STX1B: variants seen among roughly 807,000 people sequenced by gnomAD.
STX1B encodes the protein syntaxin 1B.
In STX1B, 7 loss-of-function variants were observed where a neutral mutation model predicts 39.4. That is an observed-to-expected ratio of 0.18 (90% CI 0.10 to 0.33). STX1B has a LOEUF of 0.33. Ranked by LOEUF, STX1B falls within the 10% of genes least tolerant of loss-of-function variation. The probability of loss-of-function intolerance (pLI) is 1.00; values close to 1 mark genes in which losing one functional copy is unlikely to be tolerated. For missense variants in STX1B, 198 were observed against 383.2 expected, an observed-to-expected ratio of 0.52 and a Z score of 4.04; for synonymous variants, 136 against 144.1, an observed-to-expected ratio of 0.94 and a Z score of 0.40.
rs976415550 is a variant in STX1B, at chr16:31,008,661, G to C, written c.30+1706C>G. 2.0e-5 allele frequency among the ~76,000 whole-genome samples: 3 copies of C among 152,238 alleles called. No homozygotes were observed. The East Asian group carries it at 5.8e-4, about 29-fold the overall frequency. ...AAGAGCCTCCCCGTCCACTTGCCAG[G>C]AGGTCAGTGGGGCTCTAATGACATC... On this transcript the variant is annotated intron_variant, in intron 1 of 9. Coordinates refer to ENST00000215095, the MANE Select transcript of STX1B (RefSeq NM_052874.5).
chr16:30,993,528 T>A, intron 7 of STX1B, 44 bp from the exon 8 acceptor site: 1 of 1,607,874 alleles, frequency 6.2e-7, no homozygotes, highest in South Asian at 1.1e-5. Context: ...TTCTCCGCCA[T>A]GAGCGCCTCC....
At position 30,997,065 on chromosome 16, in the gene STX1B, G is replaced by A; in HGVS notation, c.355-6C>T. 6.3e-7 allele frequency: 1 copy of A among 1,595,802 alleles called. No homozygotes were observed. Among genetic ancestry groups the A allele is most frequent in the Non-Finnish European group, 8.6e-7 (1 of 1,164,256 alleles). The stretch of plus-strand genomic sequence containing the variant: ...TTCCGGGACAGTGTGGAGTGCTACG[G>A]TGGGGGTGGGGGGACAGACGGATCA... On this transcript the variant is annotated splice_region_variant and splice_polypyrimidine_tract_variant and intron_variant, in intron 5 of 9. Transcript: ENST00000215095.
intron 1 of STX1B, among the ~76,000 whole-genome samples, chr16:31,005,076 C>G (rs2056648776): frequency 6.6e-6 from 1 of 152,220 alleles, no homozygotes; most frequent in Non-Finnish European, 1.5e-5. Flanking sequence ...CCCTCCCAGC[C>G]TCCGTCTGTC....
intron 1 of STX1B, among the ~76,000 whole-genome samples, chr16:31,005,436 A>G (rs1055608058): frequency 2.0e-5 from 3 of 150,468 alleles, no homozygotes; most frequent in Non-Finnish European, 3.0e-5. Flanking sequence ...GGGTCCTATT[A>G]CAAGTGCTTT....
intron 7 of STX1B, among the ~76,000 whole-genome samples, chr16:30,994,450 TG>T (rs1221264234): frequency 1.4e-5 from 2 of 145,406 alleles, no homozygotes; most frequent in African/African-American, 2.5e-5. Flanking sequence ...GGAAATTAGC[TG>T]GGCATGGTGG....
Position 30,992,833 on chromosome 16 carries a change from C to T in STX1B, c.855G>A (p.Thr285=), listed in dbSNP as rs762220243. The T allele has an allele frequency of 5.0e-6, 8 of 1,611,494 alleles. No homozygotes were observed. The highest frequency in any genetic ancestry group is 2.2e-5 in the South Asian group (2 of 90,998). ...GVVLASSIGG[T]LGL is the part of the protein sequence containing the mutation. ...GGGTGGGGGGGGCCTACAAGCCCAG[C>T]GTCCCCCCAATGGATGACGCCAAGA... Residue 285 remains threonine, a synonymous_variant, in exon 10 of 10, where the codon ACG becomes ACA. Coordinates refer to ENST00000215095, the MANE Select transcript of STX1B (RefSeq NM_052874.5).
intron 1 of STX1B, among the ~76,000 whole-genome samples, chr16:31,002,173 C>T (rs2056633499): frequency 6.6e-6 from 1 of 152,094 alleles, no homozygotes; most frequent in South Asian, 2.1e-4. Flanking sequence ...CTGTGCCCCC[C>T]TCTTCCCGCC....
Position 30,993,605 on chromosome 16 carries a change from C to T in STX1B, c.538-121G>A, listed in dbSNP as rs7194921. 1 allele frequency: 1,145,294 copies of T among 1,148,010 alleles called. 571,338 individuals carry two copies. Among genetic ancestry groups the T allele is most frequent in the East Asian group, 1 (42,248 of 42,248 alleles). 71.1% of individuals were successfully genotyped at this position (1,148,010 alleles called of 1,614,324 possible). The stretch of plus-strand genomic sequence containing the variant: ...TAGCTGAAACCTTAGGCACATTATT[C>T]ACCTGCTCTTGGCCTCAGTTTCCCC... On this transcript the variant is annotated intron_variant, in intron 7 of 9. Coordinates refer to ENST00000215095, the MANE Select transcript of STX1B (RefSeq NM_052874.5).
At chr16:30,993,910 G>A (rs1402231487) in intron 7 of STX1B, among the ~76,000 whole-genome samples, 2 of 151,424 alleles carry the variant, frequency 1.3e-5, no homozygotes, top group African/African-American at 4.9e-5. Flanking sequence ...GCTTGAACCC[G>A]GGGGGGCAGA....
chr16:30,994,213 A>G (rs1596715163), intron 7 of STX1B, among the ~76,000 whole-genome samples: 2 of 147,628 alleles, frequency 1.4e-5, no homozygotes, highest in Admixed American at 1.4e-4. Context: ...AATGGCGTGA[A>G]CCCGGGAGGC....
chr16:30,997,608 G>A, intron 4 of STX1B, 33 bp from the exon 5 acceptor site: 1 of 1,581,926 alleles, frequency 6.3e-7, no homozygotes, highest in Non-Finnish European at 8.6e-7. Context: ...ATGGGCGGGA[G>A]ACCCGGGGCA....
chr16:30,990,914 C>A lies in STX1B; in HGVS notation c.*1907G>T, dbSNP rs1276296131. The A allele has an allele frequency of 6.6e-6, 1 of 152,150 alleles. No homozygotes were observed. Among genetic ancestry groups the A allele is most frequent in the Non-Finnish European group, 1.5e-5 (1 of 68,034 alleles). The allele number at this position is 152,150 out of a possible 1,614,324, so 9.4% of individuals were successfully genotyped here. ...AGGTGTCGGGGATGGGTCTCAGGAC[C>A]CAGCCCACCCTGAGTGGCCACTGCC... On this transcript the variant is annotated 3_prime_UTR_variant, in exon 10 of 10. Coordinates refer to ENST00000215095, the MANE Select transcript of STX1B (RefSeq NM_052874.5).
intron 6 of STX1B, 61 bp from the exon 7 acceptor site, chr16:30,996,817 T>C: frequency 1.3e-6 from 2 of 1,594,328 alleles, no homozygotes; most frequent in Non-Finnish European, 1.7e-6. Context: ...TGAGGTGGGG[T>C]GATGGGGCGG....
At chr16:31,006,244 C>T (rs1021068133) in intron 1 of STX1B, among the ~76,000 whole-genome samples, 2 of 152,162 alleles carry the variant, frequency 1.3e-5, no homozygotes, top group Admixed American at 1.3e-4. Context: ...TTCCCCCACC[C>T]TCTGCTTCAG....
chr16:31,004,387 A>T (rs1241059886), intron 1 of STX1B, among the ~76,000 whole-genome samples: 2 of 152,124 alleles, frequency 1.3e-5, no homozygotes, highest in East Asian at 3.9e-4. Flanking sequence ...GAGCTAAATA[A>T]CTCAGGCCAG....
At chr16:31,003,606 T>G (rs1481279447) in intron 1 of STX1B, among the ~76,000 whole-genome samples, 1 of 152,162 alleles carries the variant, frequency 6.6e-6, no homozygotes, top group East Asian at 1.9e-4. Context: ...TTCCCCATGC[T>G]AATGTTAGGA....
At chr16:30,993,573 C>A (rs2056575140) in intron 7 of STX1B, 89 bp from the exon 8 acceptor site, 2 of 1,469,792 alleles carry the variant, frequency 1.4e-6, no homozygotes, top group African/African-American at 1.4e-5. Context: ...AATCCGGTGT[C>A]ATTTACTAGC....
At chr16:31,004,028 T>C (rs752749157) in intron 1 of STX1B, among the ~76,000 whole-genome samples, 3 of 152,114 alleles carry the variant, frequency 2.0e-5, no homozygotes, top group African/African-American at 7.2e-5. Flanking sequence ...CAGACTGGGC[T>C]ACCTCCCCCA....
At chr16:31,009,880 GCA>G (rs146170267) in intron 1 of STX1B, among the ~76,000 whole-genome samples, 15 of 151,620 alleles carry the variant, frequency 9.9e-5, no homozygotes, top group Admixed American at 2.0e-4. Context: ...ACACGCGTGT[GCA>G]CACACACACA....
Sources: gnomAD v4.1 joint callset for allele counts (sites outside exome capture counted in the v4.1 genomes callset) on GRCh38, gnomAD v4.1.1 for gene constraint, MANE v1.5 for transcripts, NCBI Gene and HGNC (gene_info 2026-07-23, HGNC 2026-07-21) for gene names.